Variants in MYO10 observed in about 807,000 individuals in gnomAD.
MYO10 encodes the protein unconventional myosin-X.
In MYO10, 133 loss-of-function variants were observed where a neutral mutation model predicts 257.3. The ratio of observed to expected loss-of-function variants is 0.52; its 90% CI spans 0.45 to 0.60. The LOEUF (loss-of-function observed/expected upper bound fraction) is 0.60. Ranked by LOEUF, MYO10 falls within the 20% of genes least tolerant of loss-of-function variation. The pLI is 0.00. For missense variants in MYO10, 2,399 were observed against 2,635.7 expected (o/e 0.91, Z 1.97); for synonymous variants, 1,104 against 1,028.6 (o/e 1.07, Z -1.40).
chr5:16,919,413 G>T (rs1745918791), intron 1 of MYO10, among the ~76,000 whole-genome samples: 1 of 152,004 alleles, frequency 6.6e-6, no homozygotes. Context: ...AAATCTACCA[G>T]AACAACTGCC....
chr5:16,794,953 A>G, intron 3 of MYO10, 120 bp from the exon 4 acceptor site: 2 of 731,556 alleles, frequency 2.7e-6, no homozygotes, highest in Non-Finnish European at 2.0e-6. Context: ...CCGGGTGCAC[A>G]CTGTCCCTGC....
intron 19 of MYO10, among the ~76,000 whole-genome samples, chr5:16,746,352 C>T (rs566759079): frequency 6.6e-6 from 1 of 152,260 alleles, no homozygotes; most frequent in Admixed American, 6.5e-5. Flanking sequence ...CCTCCTATCT[C>T]ATCCTGTGAC....
At chr5:16,679,836 G>T in intron 33 of MYO10, 111 bp downstream of exon 33, 1 of 1,409,360 alleles carries the variant, frequency 7.1e-7, no homozygotes, top group Non-Finnish European at 9.5e-7. Flanking sequence ...CCAAGCACTA[G>T]TTTTGATTAC....
Position 16,812,115 on chromosome 5 carries a change from T to G in MYO10, c.279+5894A>C, listed in dbSNP as rs140323203. Among the ~76,000 whole-genome samples the G allele has an allele frequency of 8.6e-3, 1,312 of 152,160 alleles. 13 individuals are homozygous for G. Among genetic ancestry groups the G allele is most frequent in the Non-Finnish European group, 0.015 (1,008 of 67,970 alleles). On this transcript the variant is annotated intron_variant, in intron 3 of 40. Transcript: ENST00000513610. ...CCCTCTCCTCAAGGCAGCAAACCCATAGCCAAGAGGTTCAGGGTGGAAACC... is the reference window on the plus strand; with the variant it reads ...CCCTCTCCTCAAGGCAGCAAACCCAGAGCCAAGAGGTTCAGGGTGGAAACC...
intron 2 of MYO10, among the ~76,000 whole-genome samples, chr5:16,828,857 C>T (rs542369306): frequency 3.9e-5 from 6 of 152,218 alleles, no homozygotes; most frequent in Admixed American, 6.5e-5. Context: ...ACTGGGACTA[C>T]AGGTGCACAC....
chr5:16,866,792 T>C (rs941698430), intron 2 of MYO10, among the ~76,000 whole-genome samples: 9 of 152,150 alleles, frequency 5.9e-5, no homozygotes, highest in Non-Finnish European at 1.2e-4. Flanking sequence ...AGTCATTAGA[T>C]CCTAACCACA....
Position 16,676,161 on chromosome 5 carries a change from A to C in MYO10, c.4543-7T>G. ...CCGAGTTCAGGCAGTTCTCCTAAAA[A>C]TAAAGCAAGCAAGCTTATTGTAAGA... On this transcript the variant is annotated splice_polypyrimidine_tract_variant and splice_region_variant and intron_variant, in intron 33 of 40. Coordinates refer to ENST00000513610, the MANE Select transcript of MYO10 (RefSeq NM_012334.3). 6.2e-7 allele frequency: 1 copy of C among 1,611,370 alleles called. No individual in the cohort carries two copies. Among genetic ancestry groups the C allele is most frequent in the Non-Finnish European group, 8.5e-7 (1 of 1,179,272 alleles).
intron 1 of MYO10, among the ~76,000 whole-genome samples, chr5:16,889,565 A>G (rs1269507565): frequency 1.3e-5 from 2 of 149,552 alleles, no homozygotes; most frequent in Non-Finnish European, 2.9e-5. Flanking sequence ...GGAAGGAAAG[A>G]AAGAAAGAAA....
At chr5:16,868,546 A>C (rs990963800) in intron 2 of MYO10, among the ~76,000 whole-genome samples, 3 of 152,106 alleles carry the variant, frequency 2.0e-5, no homozygotes, top group South Asian at 4.1e-4. Flanking sequence ...GGAGGTTTGC[A>C]GCAAGCCAAG....
At chr5:16,879,232 G>A (rs1744693447) in intron 1 of MYO10, among the ~76,000 whole-genome samples, 1 of 151,906 alleles carries the variant, frequency 6.6e-6, no homozygotes, top group Admixed American at 6.6e-5. Context: ...CACTTTAACT[G>A]AACAACTCCT....
rs6870170 is a variant in MYO10, at chr5:16,780,531, T to G, written c.819A>C (p.Glu273Asp). The change falls in exon 8 of 41, where the codon GAA (glutamate) becomes GAC (aspartate). Residue 273 changes from glutamate to aspartate, a missense_variant. Glu to Asp is a conservative substitution (Grantham distance 45, BLOSUM62 2). Coordinates refer to ENST00000513610, the MANE Select transcript of MYO10 (RefSeq NM_012334.3). ...FYALLAGLEH[E>D]EREEFYLSTP... ...AGCTGTCGTCCCACTCACCTCTTTC[T>G]TCATGTTCCAGCCCTGCCAGCAGTG... is the stretch of plus-strand genomic sequence containing the variant. 2,538 of 1,578,054 alleles carry G rather than the reference T, an allele frequency of 1.6e-3. 34 individuals carry two copies. The African/African-American group carries it at 0.03, about 19-fold the overall frequency.
rs252428 is a variant in MYO10, at chr5:16,751,136, G to A, written c.1929+3692C>T. On this transcript the variant is annotated intron_variant, in intron 19 of 40. Coordinates refer to ENST00000513610, the MANE Select transcript of MYO10 (RefSeq NM_012334.3). ...TCCTTCGGTGGACTGCGACTGGAGAGGAAAATGAGGTGAGGAGAAACCGTC... is the reference window on the plus strand; with the variant it reads ...TCCTTCGGTGGACTGCGACTGGAGAAGAAAATGAGGTGAGGAGAAACCGTC... Among the ~76,000 whole-genome samples, 6 of 152,258 alleles carry A rather than the reference G, an allele frequency of 3.9e-5. No homozygotes were observed. The East Asian group carries it at 1.2e-3, about 29-fold the overall frequency.
intron 19 of MYO10, among the ~76,000 whole-genome samples, chr5:16,725,946 C>A (rs923224359): frequency 1.3e-5 from 2 of 152,014 alleles, no homozygotes; most frequent in Non-Finnish European, 1.5e-5. Flanking sequence ...CGCTGCCACG[C>A]CAGGCTAATT....
At chr5:16,901,808 G>C (rs1416651336) in intron 1 of MYO10, among the ~76,000 whole-genome samples, 2 of 152,136 alleles carry the variant, frequency 1.3e-5, no homozygotes, top group African/African-American at 4.8e-5. Context: ...GATGCAGAGA[G>C]GGCAATAGGA....
intron 9 of MYO10, among the ~76,000 whole-genome samples, chr5:16,777,018 G>A (rs1741233817): frequency 6.6e-6 from 1 of 151,944 alleles, no homozygotes; most frequent in South Asian, 2.1e-4. Context: ...CCTCAAAAAC[G>A]AGAATGAGAA....
At chr5:16,845,367 T>TA (rs899027147) in intron 2 of MYO10, among the ~76,000 whole-genome samples, 7 of 152,238 alleles carry the variant, frequency 4.6e-5, no homozygotes, top group South Asian at 2.1e-4. Context: ...TTCGGCGTGT[T>TA]AAAAAAATGT....
chr5:16,908,085 C>A (rs1029526516), intron 1 of MYO10, among the ~76,000 whole-genome samples: 7 of 151,838 alleles, frequency 4.6e-5, no homozygotes, highest in African/African-American at 1.7e-4. Context: ...ATACAAACAT[C>A]AGCTGGGTGT....
chr5:16,684,038 T>A, intron 29 of MYO10, 103 bp from the exon 30 acceptor site: 1 of 1,035,434 alleles, frequency 9.7e-7, no homozygotes, highest in Non-Finnish European at 1.5e-6. Flanking sequence ...CAGAAAAGGC[T>A]CTTTTCTTTT....
intron 1 of MYO10, among the ~76,000 whole-genome samples, chr5:16,883,451 A>T (rs1722431560): frequency 6.6e-6 from 1 of 152,206 alleles, no homozygotes; most frequent in Admixed American, 6.5e-5. Context: ...ACCACGCAGG[A>T]GACTTGCCCA....
Sources: gnomAD v4.1 joint callset for allele counts (sites outside exome capture counted in the v4.1 genomes callset) on GRCh38, gnomAD v4.1.1 for gene constraint, MANE v1.5 for transcripts, NCBI Gene and HGNC (gene_info 2026-07-23, HGNC 2026-07-21) for gene names.